The following ZNF133 variants were observed in gnomAD, a reference collection of about 807,000 sequenced individuals.
ZNF133 encodes zinc finger protein 133 (clone pHZ-13).
Under a neutral mutation model 54.9 loss-of-function variants are expected in ZNF133, and 26 were observed. The observed-to-expected ratio is 0.47, with a 90% CI of 0.35 to 0.66. The LOEUF is 0.66. Among genes scored for constraint, ZNF133 ranks in the 30% least tolerant of loss-of-function variants. The probability of loss-of-function intolerance (pLI) is 0.01; values close to 1 mark genes in which losing one functional copy is unlikely to be tolerated. For missense variants in ZNF133, 653 were observed against 820.8 expected (o/e 0.80, Z 2.50); for synonymous variants, 298 against 320.3 (o/e 0.93, Z 0.74).
intron 1 of ZNF133, among the ~76,000 whole-genome samples, chr20:18,292,131 T>A (rs2041189306): frequency 6.6e-6 from 1 of 152,206 alleles, no homozygotes; most frequent in East Asian, 1.9e-4. Context: ...TCCACCATGG[T>A]CCAGGCCACC....
chr20:18,289,857 G>T (rs1433259786), intron 1 of ZNF133: 1 of 152,222 alleles, frequency 6.6e-6, no homozygotes, highest in African/African-American at 2.4e-5. Context: ...TGTGTTCCCA[G>T]GAAGCTGCCC....
In ZNF133 at chr20:18,289,510, A is replaced by G. The variant is rs577565466; in HGVS notation, c.-432+906A>G. Among the ~76,000 whole-genome samples the G allele has an allele frequency of 1.0e-3, 159 of 152,288 alleles. 1 individual carries two copies. Among genetic ancestry groups the G allele is most frequent in the African/African-American group, 3.7e-3 (154 of 41,570 alleles). On this transcript the variant is annotated intron_variant, in intron 1 of 6. Coordinates refer to ENST00000425686, the MANE Select transcript of ZNF133 (RefSeq NM_001352452.2). ...AGAGAATCCTTGCAATCCAGAGTTC[A>G]CCGTCACTGCCCTTACTGTGTAAGA... is the stretch of plus-strand genomic sequence containing the variant.
Position 18,316,378 on chromosome 20 carries a change from T to G in ZNF133, c.1527T>G (p.Leu509=), listed in dbSNP as rs1260261705. Residue 509 remains leucine, a synonymous_variant, in exon 7 of 7, where the codon CTT becomes CTG. Coordinates refer to ENST00000425686, the MANE Select transcript of ZNF133 (RefSeq NM_001352452.2). ...CGRGFSQKSN[L]VAHQRTHSGE... is the part of the protein sequence containing the mutation. ...GAGGCTTCAGCCAGAAGTCAAACCT[T>G]GTTGCACACCAGAGGACGCACTCAG... 1.2e-6 allele frequency: 2 copies of G among 1,606,728 alleles called. No homozygotes were observed. The highest frequency in any genetic ancestry group is 1.7e-6 in the Non-Finnish European group (2 of 1,177,378).
At chr20:18,309,985 G>T (rs2045502643) in intron 6 of ZNF133, among the ~76,000 whole-genome samples, 1 of 152,212 alleles carries the variant, frequency 6.6e-6, no homozygotes, top group South Asian at 2.1e-4. Flanking sequence ...GAATTGGCAG[G>T]TGGAGGCTGG....
chr20:18,290,622 CTT>C (rs950379648), intron 1 of ZNF133, among the ~76,000 whole-genome samples: 1 of 151,550 alleles, frequency 6.6e-6, no homozygotes, highest in Non-Finnish European at 1.5e-5. Context: ...AAAAAAAAAT[CTT>C]TTTTTTCCAC....
At chr20:18,312,105 T>C (rs2046189978) in intron 6 of ZNF133, among the ~76,000 whole-genome samples, 1 of 152,150 alleles carries the variant, frequency 6.6e-6, no homozygotes, top group Admixed American at 6.5e-5. Flanking sequence ...GGAATTTCAT[T>C]TATGTTTTGT....
At chr20:18,298,992 A>G (rs1400819194) in intron 3 of ZNF133, among the ~76,000 whole-genome samples, 2 of 152,284 alleles carry the variant, frequency 1.3e-5, no homozygotes, top group Non-Finnish European at 2.9e-5. Context: ...AACAAAAGGG[A>G]GACTCTAACA....
chr20:18,303,338 C>T (rs1342219484), intron 3 of ZNF133, among the ~76,000 whole-genome samples: 1 of 152,106 alleles, frequency 6.6e-6, no homozygotes, highest in Non-Finnish European at 1.5e-5. Flanking sequence ...TGAGCCACCG[C>T]ACCTGGCCAG....
intron 3 of ZNF133, among the ~76,000 whole-genome samples, chr20:18,299,434 C>T (rs988014843): frequency 6.6e-6 from 1 of 152,050 alleles, no homozygotes; most frequent in African/African-American, 2.4e-5. Flanking sequence ...TGAACAGAGC[C>T]TAAGGGAACT....
intron 6 of ZNF133, chr20:18,310,299 T>C: frequency 1.3e-6 from 2 of 1,533,030 alleles, no homozygotes; most frequent in Non-Finnish European, 1.7e-6. Context: ...GGAGGAAGAC[T>C]GTTCTAGGTA....
At chr20:18,297,043 C>T (rs778689765) in intron 1 of ZNF133, among the ~76,000 whole-genome samples, 24 of 152,234 alleles carry the variant, frequency 1.6e-4, no homozygotes, top group Non-Finnish European at 3.2e-4. Context: ...CCCTCATATC[C>T]CATAGGCCCT....
chr20:18,300,947 C>A (rs1276928445), intron 3 of ZNF133, among the ~76,000 whole-genome samples: 2 of 151,886 alleles, frequency 1.3e-5, no homozygotes, highest in Non-Finnish European at 2.9e-5. Flanking sequence ...AGGTGTAAAT[C>A]CAATAGATAT....
chr20:18,306,566 T>C (rs2044659207), intron 6 of ZNF133, 173 bp downstream of exon 6: 4 of 858,976 alleles, frequency 4.7e-6, no homozygotes, highest in Non-Finnish European at 7.1e-6. Flanking sequence ...CATTCGAGTA[T>C]GGACGGGGCT....
At chr20:18,310,420 C>T (rs2424155) in intron 6 of ZNF133, 685,445 of 1,196,916 alleles carry the variant, frequency 0.57, 199,963 homozygotes, top group African/African-American at 0.81. Context: ...TTAATTTTCT[C>T]GGCTGTTTCA....
intron 3 of ZNF133, among the ~76,000 whole-genome samples, chr20:18,300,703 A>G (rs1234614500): frequency 6.6e-6 from 1 of 152,108 alleles, no homozygotes; most frequent in Non-Finnish European, 1.5e-5. Context: ...CTTTAAATTG[A>G]AAAAGGTTAC....
At chr20:18,289,696 G>A (rs2040489649) in intron 1 of ZNF133, among the ~76,000 whole-genome samples, 1 of 152,172 alleles carries the variant, frequency 6.6e-6, no homozygotes, top group South Asian at 2.1e-4. Context: ...AGAATGAGGT[G>A]AAACTCCTAC....
intron 6 of ZNF133, chr20:18,314,225 C>G (rs1035663089): frequency 2.6e-5 from 4 of 152,160 alleles, no homozygotes; most frequent in African/African-American, 9.7e-5. Flanking sequence ...CCATCGAGAT[C>G]TCTACCTCGT....
Position 18,305,307 on chromosome 20 carries a change from A to C in ZNF133, c.-7+129A>C, listed in dbSNP as rs763079827. 1.6e-6 allele frequency: 1 copy of C among 611,300 alleles called. No individual in the cohort carries two copies. The highest frequency in any genetic ancestry group is 2.1e-6 in the Non-Finnish European group (1 of 481,932). 37.9% of individuals were successfully genotyped at this position (611,300 alleles called of 1,614,324 possible). A position where few individuals can be genotyped will look rare whatever the true frequency, so the allele number is the denominator to read the frequency against. ...AAAGCCAAGCCGTAGGATTTTGAGG[A>C]ATTACTGAGTTATAGTGGACTATTT... On this transcript the variant is annotated intron_variant, in intron 4 of 6. Transcript: ENST00000425686. This position sits in a 1 kb window ranked among gnomAD's most constrained non-coding sequence, Gnocchi z 4.7.
rs1226801524 is a variant in ZNF133, at chr20:18,288,621, C to T, written c.-432+17C>T. Reference sequence around the variant, plus strand: ...GTGGCGCTGGTGAGTGAGGCTCCCGCGGGACCCTTGCCGCAGCCGTACCCT... The same window carrying T: ...GTGGCGCTGGTGAGTGAGGCTCCCGTGGGACCCTTGCCGCAGCCGTACCCT... On this transcript the variant is annotated intron_variant, in intron 1 of 6. Transcript: ENST00000425686. 2 of 398,616 alleles carry T rather than the reference C, an allele frequency of 5.0e-6. No individual in the cohort carries two copies. The highest frequency in any genetic ancestry group is 7.1e-5 in the East Asian group (2 of 28,052). The allele number at this position is 398,616 out of a possible 1,614,324, so 24.7% of individuals were successfully genotyped here.
Sources: gnomAD v4.1 joint callset for allele counts (sites outside exome capture counted in the v4.1 genomes callset) on GRCh38, gnomAD v4.1.1 for gene constraint, Gnocchi (gnomAD v3.1) non-coding constraint, MANE v1.5 for transcripts, NCBI Gene and HGNC (gene_info 2026-07-23, HGNC 2026-07-21) for gene names.